Variants in ATP9B observed in about 807,000 individuals in gnomAD.
ATP9B encodes the protein probable phospholipid-transporting ATPase IIB.
Under a neutral mutation model 146.1 loss-of-function variants are expected in ATP9B, and 110 were observed. The ratio of observed to expected loss-of-function variants is 0.75; its 90% CI spans 0.65 to 0.88. The LOEUF (loss-of-function observed/expected upper bound fraction) is 0.88. ATP9B is among the 40% of genes least tolerant of loss of function. ATP9B has a pLI of 0.00. For synonymous variants in ATP9B, 604 were observed against 569.7 expected (o/e 1.06, Z -0.86); for missense variants, 1,499 against 1,496.4 (o/e 1.00, Z -0.03).
At chr18:79,129,663 T>C (rs1382545544) in intron 5 of ATP9B, among the ~76,000 whole-genome samples, 1 of 152,064 alleles carries the variant, frequency 6.6e-6, no homozygotes. Context: ...AGCTACAGCA[T>C]GTAACAATAA....
chr18:79,073,357 G>A (rs541769849), intron 1 of ATP9B, among the ~76,000 whole-genome samples: 45 of 152,298 alleles, frequency 3.0e-4, no homozygotes, highest in Non-Finnish European at 6.2e-4. Flanking sequence ...CTGAGTGAGC[G>A]AGACTCCGTC....
At chr18:79,078,462 G>A (rs1306498195) in intron 1 of ATP9B, among the ~76,000 whole-genome samples, 1 of 152,146 alleles carries the variant, frequency 6.6e-6, no homozygotes, top group Non-Finnish European at 1.5e-5. Context: ...GTTTTTATCT[G>A]TTTAGTGGGA....
intron 5 of ATP9B, among the ~76,000 whole-genome samples, chr18:79,128,954 A>G (rs994376505): frequency 2.0e-5 from 3 of 152,120 alleles, no homozygotes; most frequent in Non-Finnish European, 2.9e-5. Context: ...TTCTCCCAAC[A>G]CTGTAACAGG....
At position 79,303,729 on chromosome 18, in the gene ATP9B, C is replaced by T. The variant is rs751373304; in HGVS notation, c.1524+13C>T. On this transcript the variant is annotated intron_variant, in intron 14 of 29. Coordinates refer to ENST00000426216, the MANE Select transcript of ATP9B (RefSeq NM_198531.5). Reference sequence around the variant, plus strand: ...CTCCTACTCACAGGTAAGTGGGTTCCTCCTGCACGGGGTCTGCTTCCACAC... The same window carrying T: ...CTCCTACTCACAGGTAAGTGGGTTCTTCCTGCACGGGGTCTGCTTCCACAC... 4.4e-6 allele frequency: 7 copies of T among 1,600,612 alleles called. No individual in the cohort carries two copies. The highest frequency in any genetic ancestry group is 1.7e-5 in the Admixed American group (1 of 59,944).
rs530236802 is a variant in ATP9B, at chr18:79,177,302, C to T, written c.873+395C>T. Among the ~76,000 whole-genome samples, 86 of 152,278 alleles carry T rather than the reference C, an allele frequency of 5.6e-4. 2 individuals are homozygous for T. In the South Asian group the frequency reaches 6.4e-3, roughly 11 times the overall value. ...CCAGACTGAAATACAGTAACATGATCATAGCTCACTGCAGCCTCAAACGCC... is the reference window on the plus strand; with the variant it reads ...CCAGACTGAAATACAGTAACATGATTATAGCTCACTGCAGCCTCAAACGCC... On this transcript the variant is annotated intron_variant, in intron 8 of 29. Transcript: ENST00000426216.
At position 79,256,286 on chromosome 18, in the gene ATP9B, T is replaced by TATATATATATATATATATATATATATAC. The variant is rs398033647; in HGVS notation, c.1268+2746_1268+2747insTATATATATATATATATATATATATACA. On this transcript the variant is annotated intron_variant, in intron 12 of 29. Coordinates refer to ENST00000426216, the MANE Select transcript of ATP9B (RefSeq NM_198531.5). ...ATATATATATATATATATATATATATACATACATAGTGAGGCTATGTTATT... is the reference window on the plus strand; with the variant it reads ...ATATATATATATATATATATATATATATATATATATATATATATATATATATACACATACATAGTGAGGCTATGTTATT... Among the ~76,000 whole-genome samples the TATATATATATATATATATATATATATAC allele has an allele frequency of 1.6e-4, 20 of 123,048 alleles. 1 individual carries two copies. The highest frequency in any genetic ancestry group is 6.2e-4 in the African/African-American group (19 of 30,788). The allele number at this position is 123,048 out of a possible 152,430, so 80.7% of individuals were successfully genotyped here.
chr18:79,122,371 A>G (rs1444010600), intron 4 of ATP9B, among the ~76,000 whole-genome samples: 1 of 152,094 alleles, frequency 6.6e-6, no homozygotes, highest in Non-Finnish European at 1.5e-5. Context: ...AAAGATGCAT[A>G]TTTTTCATGT....
At chr18:79,306,923 C>T in intron 14 of ATP9B, 63 bp from the exon 15 acceptor site, 5 of 1,552,952 alleles carry the variant, frequency 3.2e-6, no homozygotes, top group Non-Finnish European at 4.4e-6. Context: ...GTTAATAATT[C>T]CATGTTAACT....
At chr18:79,099,783 T>G (rs1032713982) in intron 2 of ATP9B, among the ~76,000 whole-genome samples, 2 of 152,116 alleles carry the variant, frequency 1.3e-5, no homozygotes, top group African/African-American at 2.4e-5. Context: ...GTTATTTTTT[T>G]GTAATTGATT....
At chr18:79,371,787 C>T (rs2097072354) in intron 26 of ATP9B, among the ~76,000 whole-genome samples, 2 of 152,232 alleles carry the variant, frequency 1.3e-5, no homozygotes, top group African/African-American at 2.4e-5. Context: ...TGTCTTTCCT[C>T]TGTGGCTCTT....
chr18:79,176,774 C>G (rs1341186984), intron 7 of ATP9B, 39 bp from the exon 8 acceptor site: 2 of 1,562,498 alleles, frequency 1.3e-6, no homozygotes, highest in South Asian at 2.2e-5. Context: ...CCTTCTGTAA[C>G]AATTCAAGAG....
intron 20 of ATP9B, 96 bp downstream of exon 20, chr18:79,342,462 A>ACT: frequency 1.3e-6 from 1 of 795,560 alleles, no homozygotes; most frequent in Non-Finnish European, 1.9e-6. Flanking sequence ...ATTAATCACT[A>ACT]AATATCTTTT....
rs577370471 is a variant in ATP9B, at chr18:79,296,307, T to A, written c.1412-7297T>A. On this transcript the variant is annotated intron_variant, in intron 13 of 29. Coordinates refer to ENST00000426216, the MANE Select transcript of ATP9B (RefSeq NM_198531.5). ...CTGGAATGACAGGTGTGAGCCACCA[T>A]GTTACTGCAGCCCAGAAGGAGTGAG... Among the ~76,000 whole-genome samples, 60 of 152,382 alleles carry A rather than the reference T, an allele frequency of 3.9e-4. 1 individual carries two copies. Among genetic ancestry groups the A allele is most frequent in the African/African-American group, 1.3e-3 (54 of 41,600 alleles).
chr18:79,161,040 G>C (rs906487463), intron 7 of ATP9B, among the ~76,000 whole-genome samples: 1 of 148,122 alleles, frequency 6.8e-6, no homozygotes, highest in Non-Finnish European at 1.5e-5. Context: ...AAAGTGCTGG[G>C]GTTATAGGTG....
rs574413787 is a variant in ATP9B, at chr18:79,329,611, TTTGAC to T, written c.1935+312_1935+316del. ...TCAACAAAAATAACATGCCAAAGAGTTTGACTTTTGTACATTGATTTATGACCATA... is the reference window on the plus strand; with the variant it reads ...TCAACAAAAATAACATGCCAAAGAGTTTTTGTACATTGATTTATGACCATA... On this transcript the variant is annotated intron_variant, in intron 16 of 29. Coordinates refer to ENST00000426216, the MANE Select transcript of ATP9B (RefSeq NM_198531.5). Among the ~76,000 whole-genome samples, 198 of 152,230 alleles carry T rather than the reference TTTGAC, an allele frequency of 1.3e-3. 4 individuals are homozygous for T. The highest frequency in any genetic ancestry group is 4.7e-3 in the African/African-American group (196 of 41,534).
At position 79,288,134 on chromosome 18, in the gene ATP9B, C is replaced by T. The variant is rs368706949; in HGVS notation, c.1411+10938C>T. Among the ~76,000 whole-genome samples the T allele has an allele frequency of 4.6e-3, 689 of 151,258 alleles. 3 individuals carry two copies. Among genetic ancestry groups the T allele is most frequent in the Middle Eastern group, 0.014 (4 of 290 alleles). The stretch of plus-strand genomic sequence containing the variant: ...GAGTTCTGTAGATGTCTATTAGGTC[C>T]GCTTGGTGCAGAGCTGAGTTCAATT... On this transcript the variant is annotated intron_variant, in intron 13 of 29. Coordinates refer to ENST00000426216, the MANE Select transcript of ATP9B (RefSeq NM_198531.5).
chr18:79,348,189 A>C lies in ATP9B; in HGVS notation c.2896A>C (p.Met966Leu). The C allele has an allele frequency of 1.3e-6, 2 of 1,565,260 alleles. No individual in the cohort carries two copies. Among genetic ancestry groups the C allele is most frequent in the Non-Finnish European group, 1.7e-6 (2 of 1,151,710 alleles). The change falls in exon 25 of 30, where the codon ATG becomes CTG. Residue 966 changes from methionine to leucine, a missense_variant. Met to Leu is a conservative substitution (Grantham distance 15). Coordinates refer to ENST00000426216, the MANE Select transcript of ATP9B (RefSeq NM_198531.5). ...ASVPLYQGFL[M>L]VGYATIYTMF... ...CGTCCCTTTGTATCAGGGCTTCCTC[A>C]TGGTGGGGTAAGTTACACTCAGAAC...
At chr18:79,346,958 C>T (rs1261476405) in intron 23 of ATP9B, among the ~76,000 whole-genome samples, 1 of 152,262 alleles carries the variant, frequency 6.6e-6, no homozygotes, top group Non-Finnish European at 1.5e-5. Context: ...ACGTGCATTA[C>T]AGCCTAGCCC....
intron 6 of ATP9B, among the ~76,000 whole-genome samples, chr18:79,152,620 C>T (rs542180818): frequency 7.2e-5 from 11 of 152,176 alleles, no homozygotes; most frequent in South Asian, 4.2e-4. Flanking sequence ...TGATGAATGA[C>T]GACAATTCAG....
Sources: allele counts gnomAD v4.1 joint callset (sites outside exome capture counted in the v4.1 genomes callset), GRCh38; gene constraint gnomAD v4.1.1; transcripts MANE v1.5; gene names NCBI Gene and HGNC (gene_info 2026-07-23, HGNC 2026-07-21).